ASH1L: variants seen among roughly 807,000 people sequenced by gnomAD.
The protein encoded by ASH1L is histone-lysine N-methyltransferase ASH1L.
A neutral mutation model predicts 269.0 loss-of-function variants in ASH1L; 23 were observed. That is an observed-to-expected ratio of 0.09 (90% CI 0.06 to 0.12). The LOEUF (loss-of-function observed/expected upper bound fraction) is 0.12, where lower values mean the gene tolerates loss of function less well. ASH1L is among the 10% of genes least tolerant of loss of function. ASH1L has a pLI of 1.00. For synonymous variants in ASH1L, 1,187 were observed against 1,253.5 expected, an observed-to-expected ratio of 0.95 and a Z score of 1.12; for missense variants, 2,912 against 3,567.8, an observed-to-expected ratio of 0.82 and a Z score of 4.68.
At chr1:155,511,813 CTTTCT>C (rs1320702182) in intron 2 of ASH1L, among the ~76,000 whole-genome samples, 4 of 150,160 alleles carry the variant, frequency 2.7e-5, no homozygotes, top group Non-Finnish European at 4.4e-5. Flanking sequence ...AAGATTGTTT[CTTTCT>C]TTTCTTTTTG....
chr1:155,379,766 G>C (rs1656781142), intron 8 of ASH1L, among the ~76,000 whole-genome samples: 2 of 152,240 alleles, frequency 1.3e-5, no homozygotes, highest in South Asian at 4.1e-4. Context: ...AATTCTTACA[G>C]AACAAAATCT....
At chr1:155,496,315 T>C (rs1248882923) in intron 2 of ASH1L, among the ~76,000 whole-genome samples, 1 of 152,234 alleles carries the variant, frequency 6.6e-6, no homozygotes, top group Non-Finnish European at 1.5e-5. Context: ...TATACTCTTA[T>C]GGGACCACCA....
chr1:155,562,919 C>T (rs1440453703), upstream of ASH1L: 22 of 455,888 alleles, frequency 4.8e-5, no homozygotes, highest in Non-Finnish European at 7.5e-5. Context: ...CACCCTCCAC[C>T]CCTCGCGCGT....
intron 1 of ASH1L, among the ~76,000 whole-genome samples, chr1:155,553,691 C>T (rs1671369487): frequency 6.6e-6 from 1 of 152,162 alleles, no homozygotes; most frequent in Admixed American, 6.6e-5. Flanking sequence ...AACTTCCCCA[C>T]CTTGGACAAA....
rs1491493444 is a variant in ASH1L, at chr1:155,556,401, C to CCTGTGT, written c.-100+5751_-100+5752insACACAG. On this transcript the variant is annotated intron_variant, in intron 1 of 27. Coordinates refer to ENST00000392403, the MANE Select transcript of ASH1L (RefSeq NM_018489.3). ...ATAAATATAAATATACATATATATA[C>CCTGTGT]GTGTGTGTGTGTGTGTGTGTGTGTG... Among the ~76,000 whole-genome samples the CCTGTGT allele has an allele frequency of 6.4e-3, 904 of 140,556 alleles. 8 individuals carry two copies. Among genetic ancestry groups the CCTGTGT allele is most frequent in the African/African-American group, 0.023 (873 of 37,778 alleles). 92.2% of individuals were successfully genotyped at this position (140,556 alleles called of 152,430 possible).
At chr1:155,341,602 G>T (rs1433335792) in intron 25 of ASH1L, among the ~76,000 whole-genome samples, 1 of 152,170 alleles carries the variant, frequency 6.6e-6, no homozygotes, top group Non-Finnish European at 1.5e-5. Context: ...AGGAAAAAAA[G>T]GAGTTTTTCA....
At chr1:155,392,503 A>T (rs113422705) in intron 7 of ASH1L, among the ~76,000 whole-genome samples, 276 of 151,758 alleles carry the variant, frequency 1.8e-3, no homozygotes, top group African/African-American at 6.5e-3. Flanking sequence ...TTATTTATTT[A>T]TTTTTTTGAG....
chr1:155,360,609 A>G (rs1654861201), intron 12 of ASH1L, among the ~76,000 whole-genome samples, 200 bp from the exon 13 acceptor site: 1 of 150,482 alleles, frequency 6.6e-6, no homozygotes, highest in African/African-American at 2.4e-5. Context: ...ACGCCTGGCT[A>G]ATTTTTGTAT....
intron 6 of ASH1L, 115 bp downstream of exon 6, chr1:155,415,629 A>C (rs1036527089): frequency 8.0e-7 from 1 of 1,257,856 alleles, no homozygotes; most frequent in African/African-American, 1.5e-5. Context: ...GAGTGCAAAA[A>C]CACAATCATC....
intron 19 of ASH1L, 52 bp from the exon 20 acceptor site, chr1:155,347,956 C>T (rs370155048): frequency 2.8e-5 from 45 of 1,605,152 alleles, no homozygotes; most frequent in Non-Finnish European, 3.5e-5. Context: ...TGTGGCTTAA[C>T]AATTTACCTA....
At chr1:155,459,121 T>G (rs765795900) in intron 4 of ASH1L, among the ~76,000 whole-genome samples, 3 of 152,138 alleles carry the variant, frequency 2.0e-5, no homozygotes, top group Non-Finnish European at 4.4e-5. Context: ...ATAGAGGTTC[T>G]CCTCATGAAC....
intron 7 of ASH1L, among the ~76,000 whole-genome samples, chr1:155,392,842 C>CTT (rs111947784): frequency 3.5e-5 from 5 of 142,832 alleles, no homozygotes; most frequent in Admixed American, 7.1e-5. Flanking sequence ...AATTCCTCGT[C>CTT]TTTTTTTTTT....
chr1:155,476,766 G>C (rs762773384), intron 3 of ASH1L, among the ~76,000 whole-genome samples: 2 of 151,780 alleles, frequency 1.3e-5, no homozygotes, highest in Non-Finnish European at 2.9e-5. Flanking sequence ...TGTTAACCAG[G>C]ATGGTCTCGA....
chr1:155,365,107 G>A (rs1309843019), intron 12 of ASH1L, among the ~76,000 whole-genome samples: 3 of 152,004 alleles, frequency 2.0e-5, no homozygotes, highest in Non-Finnish European at 2.9e-5. Context: ...CCCCTTTCTG[G>A]CATCTTTCTG....
chr1:155,473,798 C>A (rs917642268), intron 3 of ASH1L, among the ~76,000 whole-genome samples: 11 of 152,026 alleles, frequency 7.2e-5, no homozygotes, highest in Non-Finnish European at 1.2e-4. Flanking sequence ...CCATTCCCAG[C>A]CTCTTTATTT....
rs749009326 is a variant in ASH1L at position 155,521,392 on chromosome 1, G to T, written c.128C>A (p.Thr43Lys). ...TTTGCGAAGGTCCTCTTCCTCCTTT[G>T]TGTTTTTTTCTAGCTCTACTTCTCT... ...SKREVELEKN[T>K]KEEEDLRKRN... The change falls in exon 2 of 28, where the codon ACA becomes AAA. Residue 43 changes from threonine (T) to lysine (K), a missense_variant. By Grantham distance (78) the Thr-to-Lys change is moderately conservative. This residue lies in a region of ASH1L where 115 missense variants were observed against 101.5 expected (regional missense o/e 1.13). Transcript: ENST00000392403. The T allele has an allele frequency of 2.5e-6, 4 of 1,614,012 alleles. No homozygotes were observed. Among genetic ancestry groups the T allele is most frequent in the Non-Finnish European group, 3.4e-6 (4 of 1,180,014 alleles).
At chr1:155,401,428 A>C (rs1174768116) in intron 6 of ASH1L, among the ~76,000 whole-genome samples, 1 of 151,160 alleles carries the variant, frequency 6.6e-6, no homozygotes, top group Admixed American at 6.6e-5. Flanking sequence ...CAGCGAGCCA[A>C]AGTCATGCCA....
intron 16 of ASH1L, 135 bp from the exon 17 acceptor site, chr1:155,352,993 T>C: frequency 2.7e-6 from 2 of 751,708 alleles, no homozygotes; most frequent in Non-Finnish European, 4.1e-6. Flanking sequence ...CAGAGTTCTT[T>C]CTATCTTCTG....
rs781001069 is a variant in ASH1L, at chr1:155,479,568, T to C, written c.3302A>G (p.Glu1101Gly). 12 of 1,614,132 alleles carry C rather than the reference T, an allele frequency of 7.4e-6. No homozygotes were observed. Among genetic ancestry groups the C allele is most frequent in the Non-Finnish European group, 1.0e-5 (12 of 1,180,016 alleles). ...AGAGCAAATAGGTGATGGAAGAATC[T>C]CAGAACTACTAGCAGATGAAGGCAG... ...PLLPSSASSS[E>G]ILPSPICSQS... The change falls in exon 3 of 28, where the codon GAG (glutamate) becomes GGG (glycine). Residue 1101 changes from glutamate (E) to glycine (G), a missense_variant. Physicochemically the swap from Glu to Gly is moderately conservative, Grantham distance 98 (BLOSUM62 -2). This residue lies in a region of ASH1L where 157 missense variants were observed against 154.6 expected (regional missense o/e 1.02). Coordinates refer to ENST00000392403, the MANE Select transcript of ASH1L (RefSeq NM_018489.3).
Sources: gnomAD v4.1 joint callset for allele counts (sites outside exome capture counted in the v4.1 genomes callset) on GRCh38, gnomAD v4.1.1 for gene constraint, gnomAD v4.1.1 regional missense constraint, MANE v1.5 for transcripts, NCBI Gene and HGNC (gene_info 2026-07-23, HGNC 2026-07-21) for gene names.